KIAA1217: variants seen among roughly 807,000 people sequenced by gnomAD.
KIAA1217 encodes sickle tail protein homolog.
A neutral mutation model predicts 163.9 loss-of-function variants in KIAA1217; 88 were observed. That is an observed-to-expected ratio of 0.54 (90% CI 0.45 to 0.64). KIAA1217 has a LOEUF of 0.64. Ranked by LOEUF, KIAA1217 falls within the 30% of genes least tolerant of loss-of-function variation. The pLI, the probability that KIAA1217 is intolerant of heterozygous loss-of-function variation, is 0.00. For synonymous variants in KIAA1217, 903 were observed against 923.1 expected (o/e 0.98, Z 0.39); for missense variants, 2,372 against 2,475.0 (o/e 0.96, Z 0.88).
chr10:24,075,386 A>C (rs949547094), intron 2 of KIAA1217, among the ~76,000 whole-genome samples: 6 of 151,076 alleles, frequency 4.0e-5, no homozygotes, highest in Non-Finnish European at 5.9e-5. Context: ...CACCATCATA[A>C]CTGTTTTTAC....
rs562839367 is a variant in KIAA1217 at position 23,809,364 on chromosome 10, C to A, written c.-321+114130C>A. Among the ~76,000 whole-genome samples the A allele has an allele frequency of 4.6e-5, 7 of 151,658 alleles. No homozygotes were observed. In the South Asian group the frequency reaches 1.5e-3, roughly 32 times the overall value. ...AAGATATTAATTAAATCTAGACTTACTAAAATTAAGATTCCATGTGAAACT... is the reference window on the plus strand; with the variant it reads ...AAGATATTAATTAAATCTAGACTTAATAAAATTAAGATTCCATGTGAAACT... On this transcript the variant is annotated intron_variant, in intron 1 of 18. Transcript: ENST00000376462.
At chr10:24,534,716 C>G (rs2073707112) in intron 16 of KIAA1217, among the ~76,000 whole-genome samples, 1 of 151,748 alleles carries the variant, frequency 6.6e-6, no homozygotes, top group Non-Finnish European at 1.5e-5. Context: ...CCCATCTCTA[C>G]TAAAAACTAC....
chr10:23,937,806 T>C (rs184033496), intron 1 of KIAA1217, among the ~76,000 whole-genome samples: 84 of 152,160 alleles, frequency 5.5e-4, no homozygotes, highest in Admixed American at 4.6e-3. Flanking sequence ...TTTTCAGACA[T>C]TGGGGAGCAA....
chr10:24,524,120 AC>A (rs2071727413), intron 12 of KIAA1217, among the ~76,000 whole-genome samples: 1 of 151,846 alleles, frequency 6.6e-6, no homozygotes, highest in Admixed American at 6.6e-5. Context: ...TCTTCTACCC[AC>A]CCCCCAAACA....
intron 2 of KIAA1217, among the ~76,000 whole-genome samples, chr10:24,307,175 T>C (rs986505628): frequency 4.6e-5 from 7 of 152,244 alleles, no homozygotes; most frequent in African/African-American, 1.7e-4. Context: ...TTTTAGATTT[T>C]TCAAAGTTCT....
intron 2 of KIAA1217, among the ~76,000 whole-genome samples, chr10:24,340,652 A>G (rs1254030315): frequency 6.6e-6 from 1 of 152,154 alleles, no homozygotes; most frequent in African/African-American, 2.4e-5. Flanking sequence ...TCACAGGACT[A>G]AAGCCAGACA....
At position 24,030,471 on chromosome 10, in the gene KIAA1217, G is replaced by T. The variant is rs139941862; in HGVS notation, c.-171+23097G>T. Among the ~76,000 whole-genome samples the T allele has an allele frequency of 3.1e-3, 469 of 152,224 alleles. 1 individual carries two copies. The highest frequency in any genetic ancestry group is 0.011 in the African/African-American group (437 of 41,530). ...TCTTCGCCTTCCACCATGACTGTAA[G>T]TTTCCTGAGGCCTCTTCAGCCATGT... On this transcript the variant is annotated intron_variant, in intron 2 of 18. Transcript: ENST00000376462.
chr10:24,518,751 T>C (rs1455187763), intron 10 of KIAA1217, among the ~76,000 whole-genome samples: 1 of 152,164 alleles, frequency 6.6e-6, no homozygotes, highest in Non-Finnish European at 1.5e-5. Flanking sequence ...AAGAATCCAA[T>C]AGCTGTAGGA....
At chr10:23,760,122 C>T (rs540726156) in intron 1 of KIAA1217, among the ~76,000 whole-genome samples, 1 of 152,320 alleles carries the variant, frequency 6.6e-6, no homozygotes, top group Non-Finnish European at 1.5e-5. Context: ...ATAGTTGGCA[C>T]ATGCAGGTTG....
intron 1 of KIAA1217, among the ~76,000 whole-genome samples, chr10:23,790,603 A>G (rs1835875332): frequency 7.9e-6 from 1 of 126,346 alleles, no homozygotes; most frequent in East Asian, 2.1e-4. Flanking sequence ...ATACATGTAC[A>G]TATATACATA....
intron 1 of KIAA1217, among the ~76,000 whole-genome samples, chr10:23,941,599 G>A (rs531765743): frequency 3.3e-5 from 5 of 152,184 alleles, no homozygotes; most frequent in South Asian, 2.1e-4. Context: ...TGACCATCTC[G>A]GGGAGGTGAC....
intron 7 of KIAA1217, 88 bp from the exon 8 acceptor site, chr10:24,495,059 C>T: frequency 9.0e-7 from 1 of 1,114,992 alleles, no homozygotes. Flanking sequence ...CTGCCAATTG[C>T]TTCAAATAGT....
Position 24,088,479 on chromosome 10 carries a change from T to C in KIAA1217, c.-171+81105T>C, listed in dbSNP as rs1420336145. 1.6e-4 allele frequency among the ~76,000 whole-genome samples: 14 copies of C among 86,796 alleles called. 2 individuals are homozygous for C. Among genetic ancestry groups the C allele is most frequent in the Non-Finnish European group, 3.5e-4 (13 of 36,690 alleles). The allele number at this position is 86,796 out of a possible 152,430, so 56.9% of individuals were successfully genotyped here. A position where few individuals can be genotyped will look rare whatever the true frequency, so the allele number is the denominator to read the frequency against. On this transcript the variant is annotated intron_variant, in intron 2 of 18. Coordinates refer to the KIAA1217 transcript ENST00000376462. ...CTCAACAACAGGCCCCAGTGTGTGA[T>C]GTTCCCCTTCCTGTGTCCAAGTGTT...
chr10:24,392,344 T>G (rs2130845950), intron 3 of KIAA1217, among the ~76,000 whole-genome samples: 1 of 152,360 alleles, frequency 6.6e-6, no homozygotes, highest in African/African-American at 2.4e-5. Context: ...ACAGTTGTTT[T>G]ATGAAATGTT....
At chr10:24,538,756 A>G (rs1478249883) in intron 17 of KIAA1217, among the ~76,000 whole-genome samples, 1 of 79,298 alleles carries the variant, frequency 1.3e-5, no homozygotes, top group Non-Finnish European at 2.7e-5. Context: ...TTTTTGTGAG[A>G]CCGAGTCTCA....
intron 1 of KIAA1217, among the ~76,000 whole-genome samples, chr10:23,730,792 T>A (rs369335018): frequency 1.2e-4 from 18 of 152,188 alleles, no homozygotes; most frequent in Admixed American, 2.6e-4. Flanking sequence ...AATTCTTTCT[T>A]GTTTATTGCT....
intron 2 of KIAA1217, chr10:24,157,788 C>A: frequency 2.6e-6 from 1 of 382,524 alleles, no homozygotes; most frequent in Non-Finnish European, 4.7e-6. Flanking sequence ...GCAACTGGTA[C>A]TCTCATATGA....
At chr10:23,768,089 T>G (rs1338458369) in intron 1 of KIAA1217, among the ~76,000 whole-genome samples, 1 of 152,204 alleles carries the variant, frequency 6.6e-6, no homozygotes, top group Non-Finnish European at 1.5e-5. Context: ...CCATTCTGTC[T>G]CCAGTGAATC....
intron 2 of KIAA1217, among the ~76,000 whole-genome samples, chr10:24,198,637 G>A (rs1027667095): frequency 6.6e-6 from 1 of 151,754 alleles, no homozygotes; most frequent in Admixed American, 6.6e-5. Flanking sequence ...TCGGGCTGTG[G>A]TAGGAAATGG....
Sources: allele counts gnomAD v4.1 joint callset (sites outside exome capture counted in the v4.1 genomes callset), GRCh38; gene constraint gnomAD v4.1.1; transcripts MANE v1.5; gene names NCBI Gene and HGNC (gene_info 2026-07-23, HGNC 2026-07-21).